Variants in LIFR observed in about 807,000 individuals in gnomAD.
LIFR encodes the protein LIF receptor subunit alpha, also known as leukemia inhibitory factor receptor.
In LIFR, 84 loss-of-function variants were observed where a neutral mutation model predicts 122.2. That is an observed-to-expected ratio of 0.69 (90% CI 0.58 to 0.82). The LOEUF (loss-of-function observed/expected upper bound fraction) is 0.82, where lower values mean the gene tolerates loss of function less well. Ranked by LOEUF, LIFR falls within the 40% of genes least tolerant of loss-of-function variation. The pLI is 0.00. For synonymous variants in LIFR, 422 were observed against 434.7 expected (o/e 0.97, Z 0.36); for missense variants, 1,294 against 1,311.6 (o/e 0.99, Z 0.21).
At chr5:38,569,041 G>A (rs1221968252) in intron 1 of LIFR, among the ~76,000 whole-genome samples, 1 of 152,202 alleles carries the variant, frequency 6.6e-6, no homozygotes, top group Non-Finnish European at 1.5e-5. Flanking sequence ...TTGGCCGAAG[G>A]CCCTCTTTTG....
intron 1 of LIFR, among the ~76,000 whole-genome samples, chr5:38,537,113 C>T (rs1351635308): frequency 6.6e-6 from 1 of 152,168 alleles, no homozygotes; most frequent in Non-Finnish European, 1.5e-5. Context: ...CCATTATGAA[C>T]CTCAGCATGT....
chr5:38,595,858 G>T (rs1352822657), upstream of LIFR, among the ~76,000 whole-genome samples: 1 of 98,504 alleles, frequency 1.0e-5, no homozygotes, highest in Admixed American at 1.2e-4. Flanking sequence ...TCAGCCTCCC[G>T]AGTAGCTGGG....
intron 1 of LIFR, among the ~76,000 whole-genome samples, chr5:38,586,085 A>G (rs375515103): frequency 7.2e-5 from 11 of 152,006 alleles, no homozygotes; most frequent in East Asian, 5.8e-4. Context: ...ACATAAGTAG[A>G]TATTTGCCTG....
rs373419706 is a variant in LIFR at position 38,489,066 on chromosome 5, C to G, written c.2335+12G>C. The G allele has an allele frequency of 3.4e-5, 55 of 1,608,372 alleles. No homozygotes were observed. The highest frequency in any genetic ancestry group is 4.6e-5 in the Non-Finnish European group (54 of 1,175,400). On this transcript the variant is annotated intron_variant, in intron 16 of 19. Transcript: ENST00000453190. ...CTAAGAAACACTTTCCTTGTGCTATCAATTTACTCACCTGATTCTAAAACC... is the reference window on the plus strand; with the variant it reads ...CTAAGAAACACTTTCCTTGTGCTATGAATTTACTCACCTGATTCTAAAACC...
At chr5:38,515,708 G>A (rs1307515794) in intron 5 of LIFR, among the ~76,000 whole-genome samples, 1 of 151,960 alleles carries the variant, frequency 6.6e-6, no homozygotes, top group East Asian at 1.9e-4. Flanking sequence ...GAGAAATGAA[G>A]ATAAATAATG....
intron 1 of LIFR, among the ~76,000 whole-genome samples, chr5:38,590,417 C>T (rs1044274138): frequency 6.6e-6 from 1 of 152,158 alleles, no homozygotes; most frequent in Non-Finnish European, 1.5e-5. Flanking sequence ...TTGTAAACAT[C>T]ATTTGGGTAT....
chr5:38,553,648 A>ATG (rs1183040262), intron 1 of LIFR, among the ~76,000 whole-genome samples: 3 of 102,230 alleles, frequency 2.9e-5, no homozygotes, highest in Non-Finnish European at 5.9e-5. Context: ...ATATATATAT[A>ATG]TATATATATA....
Position 38,607,513 on chromosome 5 carries a change from A to ACT in LIFR, n.203+637_203+638dup, listed in dbSNP as rs60564000. The ACT allele has an allele frequency of 7.6e-3, 1,119 of 147,762 alleles. 10 individuals are homozygous for ACT. The highest frequency in any genetic ancestry group is 0.02 in the African/African-American group (796 of 40,098). The allele number at this position is 147,762 out of a possible 1,614,324, so 9.2% of individuals were successfully genotyped here. A position where few individuals can be genotyped will look rare whatever the true frequency, so the allele number is the denominator to read the frequency against. On this transcript the variant is annotated intron_variant and non_coding_transcript_variant, in intron 1 of 3. Transcript: ENST00000507786. ...CTCTCTCTCACTCTCTCTCATATGC[A>ACT]CTCTCTCTCTCTCTCTCTCTCTCTG...
chr5:38,563,933 T>C (rs905526922), intron 1 of LIFR, among the ~76,000 whole-genome samples: 5 of 152,150 alleles, frequency 3.3e-5, no homozygotes, highest in African/African-American at 1.2e-4. Flanking sequence ...ACCTACACCG[T>C]AGTGCCGCTG....
At position 38,530,568 on chromosome 5, in the gene LIFR, T is replaced by C. The variant is rs758820583; in HGVS notation, c.80A>G (p.Gln27Arg). The change falls in exon 2 of 20, where the codon CAG (glutamine) becomes CGG (arginine). Residue 27 changes from glutamine to arginine, a missense_variant. By Grantham distance (43) the Gln-to-Arg change is conservative. Transcript: ENST00000453190. ...NKRMRTASNF[Q>R]WLLSTFILLY... ...AAGAATAAATGTTGATAACAGCCACTGGAAATTTGAAGCAGTCCTCATTCT... is the reference window on the plus strand; with the variant it reads ...AAGAATAAATGTTGATAACAGCCACCGGAAATTTGAAGCAGTCCTCATTCT... 1 of 1,613,076 alleles carries C rather than the reference T, an allele frequency of 6.2e-7. No individual in the cohort carries two copies. Among genetic ancestry groups the C allele is most frequent in the Non-Finnish European group, 8.5e-7 (1 of 1,179,020 alleles).
In LIFR at chr5:38,479,574, G is replaced by A. The variant is rs1301340818; in HGVS notation, c.*2021C>T. On this transcript the variant is annotated 3_prime_UTR_variant, in exon 20 of 20. Coordinates refer to ENST00000453190, the MANE Select transcript of LIFR (RefSeq NM_001127671.2). ...TTTCTCATTATCTCAGGTTAGCGCCGTTTAGAGCAATAAACTTTTACTGTA... is the reference window on the plus strand; with the variant it reads ...TTTCTCATTATCTCAGGTTAGCGCCATTTAGAGCAATAAACTTTTACTGTA... 1.3e-5 allele frequency: 3 copies of A among 230,942 alleles called. No homozygotes were observed. The highest frequency in any genetic ancestry group is 2.2e-5 in the African/African-American group (1 of 45,218). 14.3% of individuals were successfully genotyped at this position (230,942 alleles called of 1,614,324 possible).
At chr5:38,526,610 G>A (rs1746700959) in intron 4 of LIFR, among the ~76,000 whole-genome samples, 1 of 152,076 alleles carries the variant, frequency 6.6e-6, no homozygotes, top group African/African-American at 2.4e-5. Context: ...CACACAGTAG[G>A]TGCTCAAAGA....
At chr5:38,567,729 A>G (rs1300936756) in intron 1 of LIFR, among the ~76,000 whole-genome samples, 1 of 151,954 alleles carries the variant, frequency 6.6e-6, no homozygotes, top group East Asian at 1.9e-4. Context: ...AGGTTTTGCC[A>G]TGTTGGCCAG....
At position 38,496,592 on chromosome 5, in the gene LIFR, A is replaced by C. The variant is rs750960513; in HGVS notation, c.1675T>G (p.Leu559Val). ...TTTCCATTAGCTTCATTAATGGGTAAAGGCTATGAAAAACAGACAAATTGT... is the reference window on the plus strand; with the variant it reads ...TTTCCATTAGCTTCATTAATGGGTACAGGCTATGAAAAACAGACAAATTGT... ...GKNLIIYWKP[L>V]PINEANGKIL... is the part of the protein sequence containing the mutation. Residue 559 changes from leucine (L) to valine (V), a missense_variant, in exon 13 of 20, where the codon TTA (leucine) becomes GTA (valine). Coordinates refer to ENST00000453190, the MANE Select transcript of LIFR (RefSeq NM_001127671.2). 5 of 1,606,902 alleles carry C rather than the reference A, an allele frequency of 3.1e-6. No homozygotes were observed. The highest frequency in any genetic ancestry group is 4.3e-6 in the Non-Finnish European group (5 of 1,173,522).
At chr5:38,512,647 C>CA (rs930912978) in intron 5 of LIFR, among the ~76,000 whole-genome samples, 57 of 151,666 alleles carry the variant, frequency 3.8e-4, no homozygotes, top group African/African-American at 1.4e-3. Context: ...CTAAAAACAA[C>CA]AAAAAATAAA....
At chr5:38,568,866 A>G (rs1170754853) in intron 1 of LIFR, among the ~76,000 whole-genome samples, 3 of 152,206 alleles carry the variant, frequency 2.0e-5, no homozygotes, top group African/African-American at 7.2e-5. Context: ...AGAGAAGGAA[A>G]GAAAGCACAA....
chr5:38,538,899 G>A (rs144680805), intron 1 of LIFR, among the ~76,000 whole-genome samples: 38 of 152,188 alleles, frequency 2.5e-4, no homozygotes, highest in African/African-American at 8.9e-4. Context: ...AAATTCACAC[G>A]TCTATTCCGC....
chr5:38,563,112 A>G (rs1234025535), intron 1 of LIFR, among the ~76,000 whole-genome samples: 1 of 152,146 alleles, frequency 6.6e-6, no homozygotes, highest in African/African-American at 2.4e-5. Context: ...GCCACTCTCA[A>G]AGGGAAAGTC....
At chr5:38,518,663 CTA>C (rs1325557363) in intron 5 of LIFR, among the ~76,000 whole-genome samples, 1 of 152,176 alleles carries the variant, frequency 6.6e-6, no homozygotes, top group African/African-American at 2.4e-5. Context: ...TAATAAATGA[CTA>C]TGTTACTGGT....
Sources: gnomAD v4.1 joint callset for allele counts (sites outside exome capture counted in the v4.1 genomes callset) on GRCh38, gnomAD v4.1.1 for gene constraint, MANE v1.5 for transcripts, NCBI Gene and HGNC (gene_info 2026-07-23, HGNC 2026-07-21) for gene names.